Variants in WNK1 observed in about 807,000 individuals in gnomAD.
WNK1 encodes the protein serine/threonine-protein kinase WNK1.
Under a neutral mutation model 222.8 loss-of-function variants are expected in WNK1, and 38 were observed. The observed-to-expected ratio is 0.17, with a 90% CI of 0.13 to 0.22. WNK1 has a LOEUF of 0.22. Ranked by LOEUF, WNK1 falls within the 10% of genes least tolerant of loss-of-function variation. The probability of loss-of-function intolerance (pLI) is 1.00; values close to 1 mark genes in which losing one functional copy is unlikely to be tolerated. For missense variants in WNK1, 2,348 were observed against 2,918.4 expected (o/e 0.80, Z 4.50); for synonymous variants, 1,090 against 1,092.9 (o/e 1.00, Z 0.05).
rs1333330270 is a variant in WNK1 at position 753,253 on chromosome 12, G to A, written c.-313G>A. 7 of 335,282 alleles carry A rather than the reference G, an allele frequency of 2.1e-5. No homozygotes were observed. Among genetic ancestry groups the A allele is most frequent in the Admixed American group, 1.0e-4 (2 of 19,114 alleles). 20.8% of individuals were successfully genotyped at this position (335,282 alleles called of 1,614,324 possible). On this transcript the variant is annotated 5_prime_UTR_variant, in exon 1 of 28. Transcript: ENST00000315939. The surrounding 1 kb of genome is among the most constrained non-coding windows in gnomAD (Gnocchi z 5.2). ...TGCGGCGCCTCTGCTGCCACCGCCC[G>A]CCCGGCCGCCGCTCGCCGCAGGATG...
At chr12:814,193 G>A (rs574507075) in intron 2 of WNK1, among the ~76,000 whole-genome samples, 66 of 151,712 alleles carry the variant, frequency 4.4e-4, no homozygotes, top group South Asian at 1.0e-3. Context: ...GCCGGGCATG[G>A]TGGCGTGCAC....
chr12:806,214 A>G (rs922991347), intron 1 of WNK1, among the ~76,000 whole-genome samples: 2 of 152,250 alleles, frequency 1.3e-5, no homozygotes, highest in Non-Finnish European at 2.9e-5. Flanking sequence ...CAAGGAAACT[A>G]AAACTCATGG....
chr12:865,815 T>C (rs1203141637), intron 8 of WNK1, among the ~76,000 whole-genome samples: 3 of 152,112 alleles, frequency 2.0e-5, no homozygotes, highest in Non-Finnish European at 4.4e-5. Context: ...TTTAATAACC[T>C]TAGTCAGCAA....
intron 26 of WNK1, among the ~76,000 whole-genome samples, chr12:901,354 C>T (rs1955239869): frequency 6.6e-6 from 1 of 152,222 alleles, no homozygotes; most frequent in Non-Finnish European, 1.5e-5. Flanking sequence ...ATTATTCGAA[C>T]TAAGAAAAGC....
Position 862,149 on chromosome 12 carries a change from A to C in WNK1, c.2018A>C (p.Gln673Pro). 6.2e-7 allele frequency: 1 copy of C among 1,614,122 alleles called. No homozygotes were observed. Among genetic ancestry groups the C allele is most frequent in the Non-Finnish European group, 8.5e-7 (1 of 1,180,000 alleles). Residue 673 changes from glutamine (Q) to proline (P), a missense_variant, in exon 8 of 28, where the codon CAG (glutamine) becomes CCG (proline). By Grantham distance (76) the Gln-to-Pro change is moderately conservative. Transcript: ENST00000315939. ...VFTESRVSSQ[Q>P]TVSYGSQHEQ... The stretch of plus-strand genomic sequence containing the variant: ...ACAGAATCTCGAGTGAGCAGCCAAC[A>C]GACAGTTTCATATGGTTCCCAACAT...
chr12:829,015 GA>G (rs1270741337), intron 3 of WNK1, among the ~76,000 whole-genome samples: 1 of 152,210 alleles, frequency 6.6e-6, no homozygotes, highest in Non-Finnish European at 1.5e-5. Flanking sequence ...AGAAGAATGG[GA>G]AAAGTGTCAT....
chr12:826,022 A>G (rs1327751326), intron 2 of WNK1, among the ~76,000 whole-genome samples: 3 of 152,110 alleles, frequency 2.0e-5, no homozygotes, highest in Non-Finnish European at 4.4e-5. Context: ...TCCTACATTC[A>G]TGTATTTCAG....
intron 4 of WNK1, among the ~76,000 whole-genome samples, chr12:842,903 C>T (rs1389816973): frequency 6.6e-6 from 1 of 152,106 alleles, no homozygotes; most frequent in Non-Finnish European, 1.5e-5. Flanking sequence ...GGGACCAAGA[C>T]AGCTAACAGA....
At chr12:856,939 A>G (rs1339921468) in intron 4 of WNK1, among the ~76,000 whole-genome samples, 3 of 152,216 alleles carry the variant, frequency 2.0e-5, no homozygotes, top group Non-Finnish European at 4.4e-5. Context: ...TCATTGTCAC[A>G]TATGGAAGTA....
At chr12:768,251 TCAACCTCC>T (rs772589468) in intron 1 of WNK1, among the ~76,000 whole-genome samples, 7 of 152,192 alleles carry the variant, frequency 4.6e-5, no homozygotes, top group Non-Finnish European at 1.0e-4. Context: ...TTATCGTTCC[TCAACCTCC>T]CAAGTAGCTG....
At chr12:782,840 A>G (rs1307471030) in intron 1 of WNK1, among the ~76,000 whole-genome samples, 3 of 151,848 alleles carry the variant, frequency 2.0e-5, no homozygotes, top group Non-Finnish European at 4.4e-5. Context: ...TTAAAAAAAA[A>G]CAGGTGGAAT....
At chr12:788,969 A>AGG (rs2153978095) in intron 1 of WNK1, among the ~76,000 whole-genome samples, 1 of 152,234 alleles carries the variant, frequency 6.6e-6, no homozygotes, top group Admixed American at 6.5e-5. Context: ...CTTTGCTTAT[A>AGG]ACAGTTTTTG....
chr12:832,360 C>G (rs966928578), intron 4 of WNK1, among the ~76,000 whole-genome samples: 21 of 152,254 alleles, frequency 1.4e-4, no homozygotes, highest in African/African-American at 5.1e-4. Flanking sequence ...CAGGCATGAG[C>G]CAGAAATGTT....
chr12:872,813 G>T (rs1174284753), intron 9 of WNK1, among the ~76,000 whole-genome samples: 2 of 152,150 alleles, frequency 1.3e-5, no homozygotes, highest in African/African-American at 2.4e-5. Flanking sequence ...CCAACATATG[G>T]TCATGTAGTC....
rs118054540 is a variant in WNK1, at chr12:813,449, A to G, written c.760-193A>G. Among the ~76,000 whole-genome samples the G allele has an allele frequency of 5.8e-4, 88 of 152,384 alleles. No individual in the cohort carries two copies. In the East Asian group the frequency reaches 0.017, roughly 29 times the overall value. On this transcript the variant is annotated intron_variant, in intron 1 of 27. Coordinates refer to ENST00000315939, the MANE Select transcript of WNK1 (RefSeq NM_018979.4). The stretch of plus-strand genomic sequence containing the variant: ...AAATGAGACTATATCTGAGTTACAC[A>G]TTAACAGTAAAGATACTAAAATGAT...
chr12:878,213 A>C lies in WNK1; in HGVS notation c.2225A>C (p.Gln742Pro). Residue 742 changes from glutamine (Q) to proline (P), a missense_variant and splice_region_variant, in exon 10 of 28, where the codon CAG (glutamine) becomes CCG (proline). By Grantham distance (76) the Gln-to-Pro change is moderately conservative. Around this residue, in one of 13 missense-constraint regions of WNK1, gnomAD observed 547 missense variants for 558.3 expected, o/e 0.98. Transcript: ENST00000315939. ...SSQPIQHPQQ[Q>P]QGIQQTAPPQ... Reference sequence around the variant, plus strand: ...TGAATCATTGTATTTTATTCTTAGCAGCAGGGAATACAGCAGACAGCCCCT... The same window carrying C: ...TGAATCATTGTATTTTATTCTTAGCCGCAGGGAATACAGCAGACAGCCCCT... 6.2e-7 allele frequency: 1 copy of C among 1,614,158 alleles called. No homozygotes were observed. Among genetic ancestry groups the C allele is most frequent in the Non-Finnish European group, 8.5e-7 (1 of 1,180,026 alleles).
At chr12:870,521 C>A (rs143770076) in intron 8 of WNK1, among the ~76,000 whole-genome samples, 3 of 152,222 alleles carry the variant, frequency 2.0e-5, no homozygotes, top group Admixed American at 6.5e-5. Flanking sequence ...ATATATAGTC[C>A]TGCATCATTT....
At chr12:859,501 CTT>C in intron 6 of WNK1, 37 bp downstream of exon 6, 2 of 1,490,994 alleles carry the variant, frequency 1.3e-6, no homozygotes, top group Admixed American at 1.7e-5. Context: ...TTGATTTAGA[CTT>C]ATATATATCA....
intron 1 of WNK1, among the ~76,000 whole-genome samples, chr12:778,637 CTTT>C: frequency 7.3e-6 from 1 of 136,556 alleles, no homozygotes; most frequent in African/African-American, 2.7e-5. Flanking sequence ...GGCCAATGAT[CTTT>C]TTTTTTTTTT....
Sources: gnomAD v4.1 joint callset for allele counts (sites outside exome capture counted in the v4.1 genomes callset) on GRCh38, gnomAD v4.1.1 for gene constraint, gnomAD v4.1.1 regional missense constraint, Gnocchi (gnomAD v3.1) non-coding constraint, MANE v1.5 for transcripts, NCBI Gene and HGNC (gene_info 2026-07-23, HGNC 2026-07-21) for gene names.